NAT10: variants seen among roughly 807,000 people sequenced by gnomAD.
NAT10 encodes RNA cytidine acetyltransferase.
A neutral mutation model predicts 132.2 loss-of-function variants in NAT10; 109 were observed. The observed-to-expected ratio is 0.82, with a 90% confidence interval of 0.71 to 0.97. NAT10 has a LOEUF of 0.97. NAT10 is among the 50% of genes least tolerant of loss of function. NAT10 has a pLI of 0.00. For missense variants in NAT10, 1,184 were observed against 1,263.4 expected (o/e 0.94, Z 0.95); for synonymous variants, 479 against 478.0 (o/e 1.00, Z -0.03).
Position 34,141,823 on chromosome 11 carries a change from T to A in NAT10, c.2811+6T>A. The A allele has an allele frequency of 1.9e-6, 3 of 1,612,164 alleles. No individual in the cohort carries two copies. The highest frequency in any genetic ancestry group is 2.5e-6 in the Non-Finnish European group (3 of 1,178,938). ...AGACCCTCAGTGACGACCTAGTATG[T>A]CCCTGCTCATGGCCTCGGGAGTCCC... is the stretch of plus-strand genomic sequence containing the variant. On this transcript the variant is annotated splice_donor_region_variant and intron_variant, in intron 26 of 28. Coordinates refer to ENST00000257829, the MANE Select transcript of NAT10 (RefSeq NM_024662.3).
intron 12 of NAT10, 25 bp downstream of exon 12, chr11:34,127,624 T>A (rs1471461251): frequency 6.3e-7 from 1 of 1,587,648 alleles, no homozygotes; most frequent in Admixed American, 1.7e-5. Context: ...GCAGGAGTCC[T>A]TACTCCCGTG....
chr11:34,123,947 A>C (rs1300823281), intron 10 of NAT10, 92 bp downstream of exon 10: 3 of 978,954 alleles, frequency 3.1e-6, no homozygotes, highest in Non-Finnish European at 4.8e-6. Flanking sequence ...ACGCGGGCGG[A>C]TCACCTGAGG....
Position 34,112,055 on chromosome 11 carries a change from C to A in NAT10, c.204C>A (p.His68Gln). The A allele has an allele frequency of 6.2e-7, 1 of 1,614,060 alleles. No homozygotes were observed. The highest frequency in any genetic ancestry group is 8.5e-7 in the Non-Finnish European group (1 of 1,180,008). ...GATTGGGGGTGTGTGATTGCAGTCACCGGAAGAAAAGAATGCGACAGCTGC... is the reference window on the plus strand; with the variant it reads ...GATTGGGGGTGTGTGATTGCAGTCAACGGAAGAAAAGAATGCGACAGCTGC... ...CYKKELGFSS[H>Q]RKKRMRQLQK... Residue 68 changes from histidine to glutamine, a missense_variant, in exon 4 of 29, where the codon CAC becomes CAA. Physicochemically the swap from His to Gln is conservative, Grantham distance 24. Coordinates refer to ENST00000257829, the MANE Select transcript of NAT10 (RefSeq NM_024662.3).
chr11:34,116,180 G>T (rs1851779537), intron 6 of NAT10, among the ~76,000 whole-genome samples: 1 of 152,050 alleles, frequency 6.6e-6, no homozygotes, highest in Non-Finnish European at 1.5e-5. Flanking sequence ...TGATTTTTCT[G>T]GATCACTGCT....
rs559343589 is a variant in NAT10 at position 34,120,352 on chromosome 11, C to G, written c.780+1849C>G. Among the ~76,000 whole-genome samples the G allele has an allele frequency of 2.9e-4, 44 of 152,288 alleles. 1 individual carries two copies. Among genetic ancestry groups the G allele is most frequent in the African/African-American group, 9.1e-4 (38 of 41,558 alleles). On this transcript the variant is annotated intron_variant, in intron 8 of 28. Coordinates refer to ENST00000257829, the MANE Select transcript of NAT10 (RefSeq NM_024662.3). ...GATAAAATACAGCCTTCAGGCAAGG[C>G]CAAGTTAAATACGACCTGGATTCCC...
chr11:34,139,052 C>A, intron 21 of NAT10, 139 bp from the exon 22 acceptor site: 1 of 700,272 alleles, frequency 1.4e-6, no homozygotes, highest in Middle Eastern at 3.7e-4. Flanking sequence ...TTGAGAAGGG[C>A]GCCTACCCCC....
At chr11:34,138,487 C>T (rs750638459) in intron 21 of NAT10, among the ~76,000 whole-genome samples, 5 of 152,248 alleles carry the variant, frequency 3.3e-5, no homozygotes, top group South Asian at 2.1e-4. Context: ...GGGCTGCTTC[C>T]GTGCAGGCAG....
chr11:34,135,300 C>G lies in NAT10; in HGVS notation c.2028+9C>G, dbSNP rs1852188908. 2 of 1,609,178 alleles carry G rather than the reference C, an allele frequency of 1.2e-6. No individual in the cohort carries two copies. The highest frequency in any genetic ancestry group is 1.7e-6 in the Non-Finnish European group (2 of 1,175,556). On this transcript the variant is annotated intron_variant, in intron 19 of 28. Coordinates refer to ENST00000257829, the MANE Select transcript of NAT10 (RefSeq NM_024662.3). ...ACACCGTAAGCAGCGAGGTAAGCAT[C>G]TTTCGACAGACCTCCTGTGTCCTGG...
At chr11:34,114,560 A>C (rs1851752319) in intron 5 of NAT10, among the ~76,000 whole-genome samples, 1 of 152,156 alleles carries the variant, frequency 6.6e-6, no homozygotes, top group Non-Finnish European at 1.5e-5. Context: ...CTTGCACTAC[A>C]GCCCTTTTGG....
chr11:34,112,605 A>G (rs984505871), intron 4 of NAT10, among the ~76,000 whole-genome samples: 3 of 152,228 alleles, frequency 2.0e-5, no homozygotes, highest in Non-Finnish European at 4.4e-5. Flanking sequence ...CCAACCGGAT[A>G]TAGACCAATG....
chr11:34,136,684 C>T lies in NAT10; in HGVS notation c.2071C>T (p.Leu691=), dbSNP rs373090101. Residue 691 remains leucine (L), a synonymous_variant, in exon 20 of 29, where the codon CTG becomes TTG. Transcript: ENST00000257829. ...AGAGGTCATCACTCCCCGGAAGGACCTGCCTCCTTTACTCCTCAAATTGAA... is the reference window on the plus strand; with the variant it reads ...AGAGGTCATCACTCCCCGGAAGGACTTGCCTCCTTTACTCCTCAAATTGAA... The part of the protein sequence containing the change: ...LEEVITPRKD[L]PPLLLKLNER... 6 of 1,614,064 alleles carry T rather than the reference C, an allele frequency of 3.7e-6. No homozygotes were observed. In the African/African-American group the frequency reaches 8.0e-5, roughly 22 times the overall value.
intron 1 of NAT10, among the ~76,000 whole-genome samples, chr11:34,106,350 G>A (rs190997424): frequency 6.6e-6 from 1 of 151,916 alleles, no homozygotes. Context: ...CCCCATCCAG[G>A]CCTTCCATGA....
chr11:34,130,032 AGT>A (rs1460785845), intron 12 of NAT10, among the ~76,000 whole-genome samples: 1 of 151,816 alleles, frequency 6.6e-6, no homozygotes, highest in Non-Finnish European at 1.5e-5. Flanking sequence ...TGGTGTGGAG[AGT>A]GGGCATAAAA....
chr11:34,136,937 G>T (rs1346093234), intron 20 of NAT10, 41 bp from the exon 21 acceptor site: 1 of 1,613,228 alleles, frequency 6.2e-7, no homozygotes, highest in East Asian at 2.2e-5. Context: ...CCACTCCCCA[G>T]AGGCCACACA....
chr11:34,136,267 C>T (rs949661439), intron 19 of NAT10, among the ~76,000 whole-genome samples: 8 of 151,934 alleles, frequency 5.3e-5, no homozygotes, highest in African/African-American at 1.5e-4. Flanking sequence ...TTTCCAGTAG[C>T]GATGGGGTTT....
At position 34,134,599 on chromosome 11, in the gene NAT10, C is replaced by T; in HGVS notation, c.1911+13C>T. The T allele has an allele frequency of 6.2e-7, 1 of 1,613,842 alleles. No individual in the cohort carries two copies. Among genetic ancestry groups the T allele is most frequent in the Non-Finnish European group, 8.5e-7 (1 of 1,179,870 alleles). ...AGATTATCAAGGGGTAATGTGTCCT[C>T]AGGCTCCCCTGAAGCCGTGTTGCTG... On this transcript the variant is annotated intron_variant, in intron 18 of 28. Transcript: ENST00000257829.
intron 8 of NAT10, among the ~76,000 whole-genome samples, chr11:34,121,566 GTC>G (rs1015845846): frequency 3.3e-5 from 5 of 152,070 alleles, no homozygotes; most frequent in African/African-American, 1.2e-4. Context: ...GTGTATAAAA[GTC>G]TGGTGTGGGC....
In NAT10 at chr11:34,113,768, A is replaced by T; in HGVS notation, c.425A>T (p.Glu142Val). ...NLLARTVETV[E>V]GGGLVVILLR... is the part of the protein sequence containing the mutation. ...CTGGCCAGGACTGTAGAAACAGTGG[A>T]AGGTGGTGGGCTAGTGGTCATCCTC... Residue 142 changes from glutamate to valine, a missense_variant, in exon 5 of 29, where the codon GAA becomes GTA. Glu to Val is a moderately radical substitution (Grantham distance 121). Coordinates refer to ENST00000257829, the MANE Select transcript of NAT10 (RefSeq NM_024662.3). The T allele has an allele frequency of 2.5e-6, 4 of 1,613,970 alleles. No homozygotes were observed. The highest frequency in any genetic ancestry group is 3.4e-6 in the Non-Finnish European group (4 of 1,179,966).
At chr11:34,144,345 G>A (rs1293761338) in intron 28 of NAT10, among the ~76,000 whole-genome samples, 2 of 152,176 alleles carry the variant, frequency 1.3e-5, no homozygotes, top group East Asian at 3.8e-4. Flanking sequence ...AGTAATAACG[G>A]ACTCAGTCGT....
Sources: gnomAD v4.1 joint callset for allele counts (sites outside exome capture counted in the v4.1 genomes callset) on GRCh38, gnomAD v4.1.1 for gene constraint, MANE v1.5 for transcripts, NCBI Gene and HGNC (gene_info 2026-07-23, HGNC 2026-07-21) for gene names.